Variants in CNTN5 observed in about 807,000 individuals in gnomAD.
CNTN5 encodes contactin-5.
Under a neutral mutation model 129.1 loss-of-function variants are expected in CNTN5, and 77 were observed. The ratio of observed to expected loss-of-function variants is 0.60; its 90% CI spans 0.50 to 0.72. The LOEUF (loss-of-function observed/expected upper bound fraction) is 0.72. Ranked by LOEUF, CNTN5 falls within the 30% of genes least tolerant of loss-of-function variation. The pLI is 0.00. For synonymous variants in CNTN5, 509 were observed against 465.6 expected (o/e 1.09, Z -1.20); for missense variants, 1,478 against 1,328.8 (o/e 1.11, Z -1.75).
chr11:99,270,566 A>T (rs1363838499), intron 1 of CNTN5, among the ~76,000 whole-genome samples: 2 of 151,926 alleles, frequency 1.3e-5, no homozygotes, highest in Non-Finnish European at 2.9e-5. Context: ...AATGTTTCCT[A>T]AAATAGTCTA....
intron 13 of CNTN5, among the ~76,000 whole-genome samples, chr11:100,079,942 C>T (rs975732807): frequency 6.6e-6 from 1 of 152,130 alleles, no homozygotes; most frequent in African/African-American, 2.4e-5. Flanking sequence ...AGAAGCACTC[C>T]AGCAGTGCAC....
chr11:99,854,482 G>A (rs1394608739), intron 6 of CNTN5, among the ~76,000 whole-genome samples: 1 of 152,118 alleles, frequency 6.6e-6, no homozygotes, highest in Non-Finnish European at 1.5e-5. Flanking sequence ...TCCCTCTGTG[G>A]GAGGCTTGAA....
At chr11:99,479,556 C>G (rs1187750809) in intron 2 of CNTN5, among the ~76,000 whole-genome samples, 1 of 151,876 alleles carries the variant, frequency 6.6e-6, no homozygotes, top group Non-Finnish European at 1.5e-5. Context: ...TATAAATAAG[C>G]AATGATCATA....
intron 23 of CNTN5, among the ~76,000 whole-genome samples, chr11:100,345,541 G>C: frequency 6.7e-6 from 1 of 149,552 alleles, no homozygotes. Flanking sequence ...GATATTACTA[G>C]AGAAAGATGA....
chr11:99,503,705 T>C (rs916263845), intron 2 of CNTN5, among the ~76,000 whole-genome samples: 1 of 152,172 alleles, frequency 6.6e-6, no homozygotes, highest in Admixed American at 6.5e-5. Context: ...TAACAGATAA[T>C]TGACATATAG....
intron 2 of CNTN5, among the ~76,000 whole-genome samples, chr11:99,367,661 A>G (rs559102393): frequency 6.6e-6 from 1 of 152,328 alleles, no homozygotes; most frequent in Admixed American, 6.5e-5. Context: ...TAAAGAAGCA[A>G]TAAGTAACAT....
intron 3 of CNTN5, among the ~76,000 whole-genome samples, chr11:99,636,129 G>T (rs1222608393): frequency 6.6e-6 from 1 of 151,828 alleles, no homozygotes; most frequent in Non-Finnish European, 1.5e-5. Flanking sequence ...TAGGAAAATA[G>T]ATACCCATAT....
intron 16 of CNTN5, among the ~76,000 whole-genome samples, chr11:100,253,945 A>G (rs1167359087): frequency 1.3e-5 from 2 of 151,932 alleles, no homozygotes; most frequent in Non-Finnish European, 2.9e-5. Context: ...TCCCATAACA[A>G]TCCAGTCTCC....
chr11:99,989,610 T>G (rs1362484409), intron 8 of CNTN5, among the ~76,000 whole-genome samples: 5 of 152,198 alleles, frequency 3.3e-5, no homozygotes, highest in Non-Finnish European at 7.3e-5. Context: ...AAATATTTGT[T>G]TCTGATTACA....
intron 1 of CNTN5, among the ~76,000 whole-genome samples, chr11:99,050,451 G>T (rs1864381628): frequency 6.6e-6 from 1 of 151,448 alleles, no homozygotes. Flanking sequence ...ATTAGTATTT[G>T]TCAGAAAAAA....
intron 7 of CNTN5, among the ~76,000 whole-genome samples, chr11:99,937,785 T>A (rs1018103159): frequency 6.6e-6 from 1 of 152,168 alleles, no homozygotes; most frequent in African/African-American, 2.4e-5. Flanking sequence ...GCATTGCTTC[T>A]CCAGTGGAAA....
chr11:99,423,219 ACTAT>A (rs1942975999), intron 2 of CNTN5, among the ~76,000 whole-genome samples: 1 of 152,158 alleles, frequency 6.6e-6, no homozygotes, highest in Non-Finnish European at 1.5e-5. Context: ...GATTGGAGTG[ACTAT>A]CTGTGTTAGC....
intron 7 of CNTN5, among the ~76,000 whole-genome samples, chr11:99,940,532 A>C (rs1950411365): frequency 6.6e-6 from 1 of 152,178 alleles, no homozygotes; most frequent in Non-Finnish European, 1.5e-5. Flanking sequence ...GTGTTTATTT[A>C]GGTACAGTAT....
intron 2 of CNTN5, among the ~76,000 whole-genome samples, chr11:99,347,465 G>A (rs950007597): frequency 1.3e-5 from 2 of 151,952 alleles, no homozygotes; most frequent in African/African-American, 4.8e-5. Flanking sequence ...AAAAACATAG[G>A]CTCAAATAAC....
At chr11:99,158,183 G>T (rs917215718) in intron 1 of CNTN5, among the ~76,000 whole-genome samples, 2 of 152,052 alleles carry the variant, frequency 1.3e-5, no homozygotes, top group African/African-American at 2.4e-5. Flanking sequence ...GTCTTGTTTG[G>T]TATGTAAATT....
At chr11:99,073,376 T>G (rs927304686) in intron 1 of CNTN5, among the ~76,000 whole-genome samples, 1 of 95,662 alleles carries the variant, frequency 1.0e-5, no homozygotes, top group African/African-American at 5.5e-5. Context: ...ATGGTTTGGT[T>G]TTTTTTTTTT....
At chr11:100,045,421 G>T (rs1942612453) in intron 9 of CNTN5, among the ~76,000 whole-genome samples, 1 of 151,886 alleles carries the variant, frequency 6.6e-6, no homozygotes, top group Admixed American at 6.6e-5. Context: ...ATGATCCAAA[G>T]ATTAGAGATA....
intron 8 of CNTN5, 69 bp downstream of exon 8, chr11:99,957,078 GTTT>G: frequency 8.7e-7 from 1 of 1,149,858 alleles, no homozygotes; most frequent in Non-Finnish European, 1.2e-6. Flanking sequence ...ATTAGTGTGT[GTTT>G]TTTTTTTAAG....
At chr11:99,999,774 T>C (rs7935206) in intron 8 of CNTN5, among the ~76,000 whole-genome samples, 1,603 of 152,054 alleles carry the variant, frequency 0.011, 36 homozygotes, top group African/African-American at 0.037. Context: ...CCAACAATGA[T>C]AGACTGGATT....
Sources: gnomAD v4.1 joint callset for allele counts (sites outside exome capture counted in the v4.1 genomes callset) on GRCh38, gnomAD v4.1.1 for gene constraint, MANE v1.5 for transcripts, NCBI Gene and HGNC (gene_info 2026-07-23, HGNC 2026-07-21) for gene names.